Variants in NUP93 observed in about 807,000 individuals in gnomAD.
NUP93 encodes the protein nuclear pore complex protein Nup93.
In NUP93, 55 loss-of-function variants were observed where a neutral mutation model predicts 107.8. That is an observed-to-expected ratio of 0.51 (90% CI 0.41 to 0.64). The LOEUF is 0.64. Ranked by LOEUF, NUP93 falls within the 30% of genes least tolerant of loss-of-function variation. The pLI is 0.00. For missense variants in NUP93, 937 were observed against 1,044.7 expected, an observed-to-expected ratio of 0.90 and a Z score of 1.42; for synonymous variants, 390 against 397.5, an observed-to-expected ratio of 0.98 and a Z score of 0.22.
At chr16:56,738,730 T>G (rs1347182646) in intron 1 of NUP93, among the ~76,000 whole-genome samples, 2 of 152,192 alleles carry the variant, frequency 1.3e-5, no homozygotes, top group Non-Finnish European at 2.9e-5. Context: ...AATGATATTG[T>G]CATCTAGCTA....
At chr16:56,742,552 T>A (rs1179668741) in intron 1 of NUP93, among the ~76,000 whole-genome samples, 1 of 152,216 alleles carries the variant, frequency 6.6e-6, no homozygotes, top group Non-Finnish European at 1.5e-5. Context: ...AACAGCACAG[T>A]TGAGTAGTTG....
chr16:56,732,828 A>T (rs145462148), intron 1 of NUP93, among the ~76,000 whole-genome samples: 59 of 152,326 alleles, frequency 3.9e-4, no homozygotes, highest in African/African-American at 1.3e-3. Context: ...TATGTATCTG[A>T]TCCTGTTATG....
At chr16:56,775,882 G>C (rs1962407327) in intron 3 of NUP93, among the ~76,000 whole-genome samples, 1 of 152,110 alleles carries the variant, frequency 6.6e-6, no homozygotes, top group South Asian at 2.1e-4. Flanking sequence ...AAAGGCAGGG[G>C]CCCCCTCACC....
chr16:56,756,770 G>A (rs911324972), intron 2 of NUP93, among the ~76,000 whole-genome samples: 3 of 152,166 alleles, frequency 2.0e-5, no homozygotes, highest in Non-Finnish European at 4.4e-5. Flanking sequence ...CAGTGTAAAA[G>A]CATTCCTGTT....
chr16:56,819,814 G>T (rs1406239542), intron 6 of NUP93, among the ~76,000 whole-genome samples: 1 of 152,116 alleles, frequency 6.6e-6, no homozygotes, highest in East Asian at 1.9e-4. Context: ...ATGTCTTTTT[G>T]AAAGTCTCTC....
chr16:56,738,945 CT>C (rs35518694), intron 1 of NUP93, among the ~76,000 whole-genome samples: 7,844 of 131,750 alleles, frequency 0.06, 322 homozygotes, highest in Admixed American at 0.15. Context: ...TGCTAAATTT[CT>C]TTTTTTTTTT....
chr16:56,828,666 A>G (rs551674772), intron 8 of NUP93, among the ~76,000 whole-genome samples: 8 of 152,384 alleles, frequency 5.2e-5, no homozygotes, highest in South Asian at 4.1e-4. Context: ...AGAACCAACC[A>G]GAACATTAGG....
At chr16:56,779,689 A>G (rs909875591) in intron 3 of NUP93, among the ~76,000 whole-genome samples, 1 of 152,088 alleles carries the variant, frequency 6.6e-6, no homozygotes, top group Non-Finnish European at 1.5e-5. Context: ...TCCTTGGGAT[A>G]CTCGTAGATG....
At chr16:56,788,509 T>G (rs141074571) in intron 3 of NUP93, among the ~76,000 whole-genome samples, 3 of 152,242 alleles carry the variant, frequency 2.0e-5, no homozygotes, top group African/African-American at 7.2e-5. Context: ...TTTATCATTT[T>G]ATTCATTTAT....
At chr16:56,761,523 G>A (rs1962125938) in intron 3 of NUP93, among the ~76,000 whole-genome samples, 1 of 150,204 alleles carries the variant, frequency 6.7e-6, no homozygotes, top group African/African-American at 2.5e-5. Flanking sequence ...TAAATGTGGT[G>A]GACTTTTGTA....
chr16:56,838,630 G>A (rs1429552721), intron 18 of NUP93, among the ~76,000 whole-genome samples: 1 of 151,946 alleles, frequency 6.6e-6, no homozygotes, highest in Non-Finnish European at 1.5e-5. Flanking sequence ...CAGTAGTGCA[G>A]TCATAGCTCA....
chr16:56,753,968 TTTTAA>T (rs1188290017), intron 2 of NUP93, among the ~76,000 whole-genome samples: 9 of 150,922 alleles, frequency 6.0e-5, no homozygotes, highest in African/African-American at 2.5e-5. Flanking sequence ...AGGTTTACTA[TTTTAA>T]TTTTTTTTTT....
intron 21 of NUP93, among the ~76,000 whole-genome samples, chr16:56,843,367 G>T (rs1261764861): frequency 6.6e-6 from 1 of 152,162 alleles, no homozygotes; most frequent in Non-Finnish European, 1.5e-5. Flanking sequence ...AGAAGAGCTG[G>T]TCCCCTGGCA....
At chr16:56,744,995 C>T (rs1223693818) in intron 1 of NUP93, among the ~76,000 whole-genome samples, 5 of 152,270 alleles carry the variant, frequency 3.3e-5, no homozygotes, top group African/African-American at 4.8e-5. Flanking sequence ...CTGCTATGTG[C>T]CAGGCACTGT....
intron 2 of NUP93, among the ~76,000 whole-genome samples, chr16:56,756,601 C>T (rs1213059446): frequency 6.6e-6 from 1 of 152,102 alleles, no homozygotes; most frequent in Non-Finnish European, 1.5e-5. Flanking sequence ...CTGCAGTAAA[C>T]ATACATGTGC....
intron 1 of NUP93, among the ~76,000 whole-genome samples, chr16:56,735,307 C>T (rs1343929549): frequency 6.6e-6 from 1 of 152,144 alleles, no homozygotes. Context: ...AGTCATCGAG[C>T]TAAAGAGTGA....
chr16:56,835,803 T>A (rs13331929), intron 16 of NUP93, among the ~76,000 whole-genome samples: 28,517 of 152,032 alleles, frequency 0.19, 2,920 homozygotes, highest in East Asian at 0.32. Flanking sequence ...TTAGTTGCTG[T>A]TGAGTGGTGA....
intron 3 of NUP93, among the ~76,000 whole-genome samples, chr16:56,779,815 T>A (rs1401962541): frequency 6.6e-6 from 1 of 152,138 alleles, no homozygotes; most frequent in African/African-American, 2.4e-5. Flanking sequence ...CTTGGTGAAG[T>A]TTTTTTCAGT....
intron 3 of NUP93, among the ~76,000 whole-genome samples, chr16:56,765,148 T>A (rs1962194378): frequency 6.6e-6 from 1 of 152,210 alleles, no homozygotes; most frequent in Non-Finnish European, 1.5e-5. Context: ...CCAAATTGGA[T>A]GATTTTGAAC....
Sources: allele counts gnomAD v4.1 joint callset (sites outside exome capture counted in the v4.1 genomes callset), GRCh38; gene constraint gnomAD v4.1.1; transcripts MANE v1.5; gene names NCBI Gene and HGNC (gene_info 2026-07-23, HGNC 2026-07-21).